The following ADCY5 variants were observed in gnomAD, a reference collection of about 807,000 sequenced individuals.
ADCY5 encodes adenylate cyclase 5, also known as adenylate cyclase type 5.
In ADCY5, 30 loss-of-function variants were observed where a neutral mutation model predicts 119.7. That is an observed-to-expected ratio of 0.25 (90% CI 0.19 to 0.34). The LOEUF (loss-of-function observed/expected upper bound fraction) is 0.34, where lower values mean the gene tolerates loss of function less well. Ranked by LOEUF, ADCY5 falls within the 10% of genes least tolerant of loss-of-function variation. ADCY5 has a pLI of 1.00. For synonymous variants in ADCY5, 753 were observed against 762.2 expected, an observed-to-expected ratio of 0.99 and a Z score of 0.20; for missense variants, 1,324 against 1,775.2, an observed-to-expected ratio of 0.75 and a Z score of 4.57.
At chr3:123,420,359 G>A (rs1174560998) in intron 1 of ADCY5, 7 of 152,248 alleles carry the variant, frequency 4.6e-5, no homozygotes, top group African/African-American at 1.7e-4. Context: ...GAGAAGACGG[G>A]TAGAGATGCT....
At chr3:123,386,604 G>C (rs1349008614) in intron 1 of ADCY5, among the ~76,000 whole-genome samples, 3 of 152,080 alleles carry the variant, frequency 2.0e-5, no homozygotes, top group African/African-American at 7.2e-5. Flanking sequence ...TAAATCATAT[G>C]GTCACCATAC....
Position 123,448,491 on chromosome 3 carries a change from C to A in ADCY5, c.55G>T (p.Ala19Ser). Residue 19 changes from alanine (A) to serine (S), a missense_variant, in exon 1 of 21, where the codon GCG becomes TCG. Physicochemically the swap from Ala to Ser is moderately conservative, Grantham distance 99 (BLOSUM62 1). Coordinates refer to ENST00000462833, the MANE Select transcript of ADCY5 (RefSeq NM_183357.3). ...TCGGGGCCTCCCCGGGGCGCCGGCG[C>A]CGCAGTCTTCTGCGCCGCGTAGCCC... is the stretch of plus-strand genomic sequence containing the variant. ...PPGYAAQKTA[A>S]PAPRGGPEHR... 1 of 1,269,650 alleles carries A rather than the reference C, an allele frequency of 7.9e-7. No homozygotes were observed. The allele number at this position is 1,269,650 out of a possible 1,614,324, so 78.6% of individuals were successfully genotyped here.
chr3:123,296,925 C>T, intron 16 of ADCY5: 1 of 1,470,728 alleles, frequency 6.8e-7, no homozygotes, highest in Non-Finnish European at 9.1e-7. Context: ...CCGCCCCTTG[C>T]CCAGGCAGCA....
At position 123,289,668 on chromosome 3, in the gene ADCY5, G is replaced by A. The variant is rs1939014051; in HGVS notation, c.3532+82C>T. ...CTACCTTGGGACCACAATGGCGGAT[G>A]CGGTATGGGGTATGGGGGAGCCCCT... is the stretch of plus-strand genomic sequence containing the variant. On this transcript the variant is annotated intron_variant, in intron 19 of 20. Coordinates refer to ENST00000462833, the MANE Select transcript of ADCY5 (RefSeq NM_183357.3). 9 of 1,498,022 alleles carry A rather than the reference G, an allele frequency of 6.0e-6. No individual in the cohort carries two copies. In the South Asian group the frequency reaches 8.0e-5, roughly 13 times the overall value. The allele number at this position is 1,498,022 out of a possible 1,614,324, so 92.8% of individuals were successfully genotyped here. A position where few individuals can be genotyped will look rare whatever the true frequency, so the allele number is the denominator to read the frequency against.
intron 1 of ADCY5, among the ~76,000 whole-genome samples, chr3:123,360,736 C>T (rs568604280): frequency 6.6e-6 from 1 of 152,306 alleles, no homozygotes; most frequent in South Asian, 2.1e-4. Context: ...CAATTAGCAT[C>T]TGCTTAATAC....
chr3:123,364,194 T>C (rs897227877), intron 1 of ADCY5, among the ~76,000 whole-genome samples: 5 of 152,218 alleles, frequency 3.3e-5, no homozygotes, highest in African/African-American at 1.2e-4. Context: ...GTTTCTATTG[T>C]ACATATTACT....
chr3:123,410,404 A>G (rs1001174045), intron 1 of ADCY5, among the ~76,000 whole-genome samples: 7 of 150,398 alleles, frequency 4.7e-5, no homozygotes, highest in African/African-American at 1.5e-4. Context: ...CCTCCCAGGC[A>G]TAAGTAGGAA....
intron 11 of ADCY5, among the ~76,000 whole-genome samples, chr3:123,314,549 C>T (rs1453294007): frequency 6.6e-6 from 1 of 152,250 alleles, no homozygotes; most frequent in Non-Finnish European, 1.5e-5. Context: ...CACGGCCTTG[C>T]AGGTGGATTC....
At chr3:123,443,148 A>G (rs1363033665) in intron 1 of ADCY5, among the ~76,000 whole-genome samples, 2 of 152,130 alleles carry the variant, frequency 1.3e-5, no homozygotes, top group Non-Finnish European at 2.9e-5. Context: ...TTCCAGAGCA[A>G]GGTGGCAGCT....
chr3:123,307,640 T>C (rs1390503070), intron 12 of ADCY5, among the ~76,000 whole-genome samples: 1 of 152,104 alleles, frequency 6.6e-6, no homozygotes, highest in Non-Finnish European at 1.5e-5. Context: ...TCTATCTCCA[T>C]CCCCTTCCCT....
intron 1 of ADCY5, among the ~76,000 whole-genome samples, chr3:123,422,492 T>C (rs1461568418): frequency 6.6e-6 from 1 of 152,158 alleles, no homozygotes; most frequent in African/African-American, 2.4e-5. Context: ...CCATCACTTC[T>C]CCAAGGCTCT....
chr3:123,393,145 A>C (rs1944443062), intron 1 of ADCY5, among the ~76,000 whole-genome samples: 1 of 152,196 alleles, frequency 6.6e-6, no homozygotes, highest in Non-Finnish European at 1.5e-5. Context: ...CCAGTGATAC[A>C]AAAGAGCCCG....
At chr3:123,390,172 G>A (rs956383483) in intron 1 of ADCY5, among the ~76,000 whole-genome samples, 4 of 152,208 alleles carry the variant, frequency 2.6e-5, no homozygotes, top group Admixed American at 6.5e-5. Flanking sequence ...CGTCCCCTAC[G>A]ACCCTTCCCC....
At chr3:123,294,015 T>A (rs1939338197) in intron 17 of ADCY5, among the ~76,000 whole-genome samples, 1 of 152,114 alleles carries the variant, frequency 6.6e-6, no homozygotes, top group African/African-American at 2.4e-5. Context: ...TGGAGACCTG[T>A]CAAATAACAG....
At chr3:123,297,200 A>G in intron 16 of ADCY5, 153 bp downstream of exon 16, 1 of 1,354,842 alleles carries the variant, frequency 7.4e-7, no homozygotes, top group Non-Finnish European at 1.0e-6. Flanking sequence ...ACGCCTTGCT[A>G]CCCCAGGAGG....
intron 17 of ADCY5, among the ~76,000 whole-genome samples, chr3:123,294,786 G>A (rs930638234): frequency 2.3e-4 from 35 of 152,184 alleles, no homozygotes; most frequent in South Asian, 2.1e-4. Flanking sequence ...CAGGGATGAC[G>A]CAGGGAGTGA....
chr3:123,323,808 T>G (rs991702491), intron 8 of ADCY5, among the ~76,000 whole-genome samples: 1 of 152,042 alleles, frequency 6.6e-6, no homozygotes, highest in Non-Finnish European at 1.5e-5. Flanking sequence ...TGAAGGAGCA[T>G]GCCACTATGC....
chr3:123,380,355 G>T (rs1943990980), intron 1 of ADCY5, among the ~76,000 whole-genome samples: 1 of 152,216 alleles, frequency 6.6e-6, no homozygotes, highest in African/African-American at 2.4e-5. Flanking sequence ...TGAGTAGCTG[G>T]CGTTTGGAGG....
At chr3:123,337,183 C>T (rs1293531784) in intron 3 of ADCY5, among the ~76,000 whole-genome samples, 1 of 152,184 alleles carries the variant, frequency 6.6e-6, no homozygotes, top group African/African-American at 2.4e-5. Context: ...TTATTATGCT[C>T]CGGTCTGTCT....
Sources: gnomAD v4.1 joint callset for allele counts (sites outside exome capture counted in the v4.1 genomes callset) on GRCh38, gnomAD v4.1.1 for gene constraint, MANE v1.5 for transcripts, NCBI Gene and HGNC (gene_info 2026-07-23, HGNC 2026-07-21) for gene names.